The following DLG2 variants were observed in gnomAD, a reference collection of about 807,000 sequenced individuals.
DLG2 encodes disks large homolog 2.
Under a neutral mutation model 132.5 loss-of-function variants are expected in DLG2, and 45 were observed. The ratio of observed to expected loss-of-function variants is 0.34; its 90% CI spans 0.27 to 0.44. The LOEUF is 0.44. DLG2 is among the 20% of genes least tolerant of loss of function. The probability of loss-of-function intolerance (pLI) is 1.00; values close to 1 mark genes in which losing one functional copy is unlikely to be tolerated. For missense variants in DLG2, 1,045 were observed against 1,196.9 expected (o/e 0.87, Z 1.87); for synonymous variants, 424 against 419.6 (o/e 1.01, Z -0.13).
intron 4 of DLG2, among the ~76,000 whole-genome samples, chr11:85,239,496 T>G (rs2075768590): frequency 6.6e-6 from 1 of 152,090 alleles, no homozygotes; most frequent in African/African-American, 2.4e-5. Context: ...ATTTCTAGTT[T>G]GTGTGAGTTT....
intron 27 of DLG2, 39 bp from the exon 28 acceptor site, chr11:83,459,963 T>C (rs1362518160): frequency 8.4e-7 from 1 of 1,187,010 alleles, no homozygotes; most frequent in Non-Finnish European, 1.2e-6. Context: ...TAGAAATAAT[T>C]TCCTGGATGG....
intron 3 of DLG2, among the ~76,000 whole-genome samples, chr11:85,497,618 C>A (rs985732171): frequency 6.6e-6 from 1 of 151,978 alleles, no homozygotes; most frequent in African/African-American, 2.4e-5. Context: ...CACCAAGACA[C>A]AAAATTGTCA....
intron 17 of DLG2, among the ~76,000 whole-genome samples, chr11:83,794,290 T>C (rs1464707361): frequency 6.6e-6 from 1 of 152,210 alleles, no homozygotes; most frequent in East Asian, 1.9e-4. Context: ...CTTTTCAAGA[T>C]CACTTTGATT....
intron 6 of DLG2, among the ~76,000 whole-genome samples, chr11:85,049,073 G>C (rs1232846621): frequency 1.3e-5 from 2 of 151,890 alleles, no homozygotes; most frequent in African/African-American, 2.4e-5. Context: ...TTCTCTATGA[G>C]TATATTGTGA....
chr11:84,254,118 T>C (rs1159657941), intron 7 of DLG2, among the ~76,000 whole-genome samples: 1 of 152,184 alleles, frequency 6.6e-6, no homozygotes, highest in Admixed American at 6.5e-5. Context: ...TATCCAAGAA[T>C]AGACTGAAAA....
At chr11:85,144,961 T>A (rs1035008397) in intron 5 of DLG2, among the ~76,000 whole-genome samples, 1 of 152,134 alleles carries the variant, frequency 6.6e-6, no homozygotes, top group Non-Finnish European at 1.5e-5. Context: ...GTCCTTTTCT[T>A]TTAGATTAAA....
intron 18 of DLG2, among the ~76,000 whole-genome samples, chr11:83,722,429 T>C (rs2088851666): frequency 6.6e-6 from 1 of 152,014 alleles, no homozygotes; most frequent in African/African-American, 2.4e-5. Flanking sequence ...TGTAGAGGAG[T>C]TGTGGGAAGT....
chr11:84,084,996 C>T (rs1243966959), intron 10 of DLG2, among the ~76,000 whole-genome samples: 2 of 152,154 alleles, frequency 1.3e-5, no homozygotes, highest in East Asian at 3.9e-4. Flanking sequence ...CTGCAACAGT[C>T]CCTGAATAAA....
rs796751194 is a variant in DLG2, at chr11:85,478,012, C to CT, written c.40+120644dup. On this transcript the variant is annotated intron_variant, in intron 3 of 27. Transcript: ENST00000376104. ...GGGAGGGCTGAGTGGAACAATAGCA[C>CT]TTTTTTTTTTTTAAGAGACAGCTTT... is the stretch of plus-strand genomic sequence containing the variant. 3.2e-3 allele frequency among the ~76,000 whole-genome samples: 456 copies of CT among 144,228 alleles called. 2 individuals are homozygous for CT. Among genetic ancestry groups the CT allele is most frequent in the African/African-American group, 5.6e-3 (223 of 39,608 alleles). 94.6% of individuals were successfully genotyped at this position (144,228 alleles called of 152,430 possible).
Position 84,744,583 on chromosome 11 carries a change from C to G in DLG2, c.358-209852G>C, listed in dbSNP as rs182306671. 3.3e-5 allele frequency among the ~76,000 whole-genome samples: 5 copies of G among 152,174 alleles called. No individual in the cohort carries two copies. The East Asian group carries it at 5.8e-4, about 18-fold the overall frequency. The stretch of plus-strand genomic sequence containing the variant: ...CTTTTCTATAAAAATACTAAACATA[C>G]CTTAATCTATTTTAAAATTGAAATA... On this transcript the variant is annotated intron_variant, in intron 6 of 27. Transcript: ENST00000376104.
At chr11:83,495,893 T>A (rs1239641251) in intron 21 of DLG2, among the ~76,000 whole-genome samples, 1 of 152,122 alleles carries the variant, frequency 6.6e-6, no homozygotes, top group Non-Finnish European at 1.5e-5. Context: ...GAAGAAAACA[T>A]ACAATATACT....
At chr11:85,517,024 T>C (rs2094182874) in intron 3 of DLG2, among the ~76,000 whole-genome samples, 1 of 151,364 alleles carries the variant, frequency 6.6e-6, no homozygotes, top group Non-Finnish European at 1.5e-5. Flanking sequence ...ATAAAAACCC[T>C]CAAAAAATAT....
chr11:85,013,099 T>C (rs2059289622), intron 6 of DLG2, among the ~76,000 whole-genome samples: 1 of 152,214 alleles, frequency 6.6e-6, no homozygotes, highest in Non-Finnish European at 1.5e-5. Context: ...CAGAAATGGT[T>C]GCAATACTTT....
At chr11:85,097,010 C>G (rs1380461700) in intron 6 of DLG2, among the ~76,000 whole-genome samples, 2 of 152,042 alleles carry the variant, frequency 1.3e-5, no homozygotes, top group Non-Finnish European at 2.9e-5. Context: ...GTTGATTGAC[C>G]CTGCGGCCAT....
intron 7 of DLG2, among the ~76,000 whole-genome samples, chr11:84,489,217 T>A (rs549971485): frequency 2.5e-4 from 38 of 152,242 alleles, no homozygotes; most frequent in African/African-American, 9.1e-4. Flanking sequence ...CTGCAGTATT[T>A]TTCCTTTTAT....
intron 8 of DLG2, among the ~76,000 whole-genome samples, chr11:84,208,601 C>T (rs868200016): frequency 6.6e-6 from 1 of 151,950 alleles, no homozygotes; most frequent in East Asian, 1.9e-4. Flanking sequence ...ACTTGGGCAT[C>T]CCAAAGTGCT....
chr11:84,814,459 C>T (rs2153975565), intron 6 of DLG2, among the ~76,000 whole-genome samples: 1 of 152,136 alleles, frequency 6.6e-6, no homozygotes, highest in South Asian at 2.1e-4. Flanking sequence ...AATACGCAAG[C>T]CCATAGGGCA....
intron 17 of DLG2, among the ~76,000 whole-genome samples, chr11:83,791,812 C>T (rs1306690496): frequency 2.0e-5 from 3 of 152,210 alleles, no homozygotes; most frequent in African/African-American, 7.2e-5. Flanking sequence ...ACCGGCGTGA[C>T]TGCTGCGCTC....
Position 84,028,389 on chromosome 11 carries a change from G to C in DLG2, c.919+30926C>G, listed in dbSNP as rs2095599918. ...CTTGCTCATGATTAATCACAGGAAA[G>C]AAAACAACAACAAAACAAAACTCAA... On this transcript the variant is annotated intron_variant, in intron 11 of 27. Coordinates refer to ENST00000376104, the MANE Select transcript of DLG2 (RefSeq NM_001142699.3). Among the ~76,000 whole-genome samples the C allele has an allele frequency of 1.3e-5, 2 of 152,018 alleles. 1 individual carries two copies. Among genetic ancestry groups the C allele is most frequent in the African/African-American group, 4.8e-5 (2 of 41,414 alleles).
Sources: gnomAD v4.1 joint callset for allele counts (sites outside exome capture counted in the v4.1 genomes callset) on GRCh38, gnomAD v4.1.1 for gene constraint, MANE v1.5 for transcripts, NCBI Gene and HGNC (gene_info 2026-07-23, HGNC 2026-07-21) for gene names.